Variants in TFEC observed in about 807,000 individuals in gnomAD.
TFEC encodes class E basic helix-loop-helix protein 34.
Under a neutral mutation model 41.6 loss-of-function variants are expected in TFEC, and 31 were observed. The observed-to-expected ratio is 0.74, with a 90% CI of 0.56 to 1.01. TFEC has a LOEUF of 1.01. Among genes scored for constraint, TFEC ranks in the 50% least tolerant of loss-of-function variants. The probability of loss-of-function intolerance (pLI) is 0.00; values close to 1 mark genes in which losing one functional copy is unlikely to be tolerated. For missense variants in TFEC, 402 were observed against 404.1 expected (o/e 0.99, Z 0.04); for synonymous variants, 143 against 140.6 (o/e 1.02, Z -0.12).
At chr7:115,960,571 GT>G (rs1437322012) in intron 3 of TFEC, among the ~76,000 whole-genome samples, 1 of 151,630 alleles carries the variant, frequency 6.6e-6, no homozygotes, top group Non-Finnish European at 1.5e-5. Flanking sequence ...GCACAATTGG[GT>G]TGCTGTCGCA....
At position 115,984,254 on chromosome 7, in the gene TFEC, A is replaced by G; in HGVS notation, c.180+8T>C. The G allele has an allele frequency of 6.2e-7, 1 of 1,610,180 alleles. No individual in the cohort carries two copies. The highest frequency in any genetic ancestry group is 2.2e-5 in the East Asian group (1 of 44,782). On this transcript the variant is annotated splice_region_variant and intron_variant, in intron 2 of 7. Coordinates refer to ENST00000265440, the MANE Select transcript of TFEC (RefSeq NM_012252.4). ...TGATATATTTTTATAACCAGCCATT[A>G]GACATACATGCCATTGTGCATTGTC... is the stretch of plus-strand genomic sequence containing the variant.
chr7:115,977,509 C>G (rs1793437394), intron 2 of TFEC, among the ~76,000 whole-genome samples: 1 of 151,896 alleles, frequency 6.6e-6, no homozygotes, highest in Non-Finnish European at 1.5e-5. Context: ...AACAAAGTAT[C>G]TTTTAAGTAT....
chr7:116,106,304 T>C (rs1044025117), intron 3 of TFEC, among the ~76,000 whole-genome samples: 1 of 152,156 alleles, frequency 6.6e-6, no homozygotes, highest in Non-Finnish European at 1.5e-5. Flanking sequence ...CTCTAAGGCT[T>C]AGAATCTTTC....
At chr7:116,107,537 AT>A (rs1314566166) in intron 3 of TFEC, among the ~76,000 whole-genome samples, 2 of 152,174 alleles carry the variant, frequency 1.3e-5, no homozygotes, top group Non-Finnish European at 2.9e-5. Context: ...AACAAAGACA[AT>A]ATGCAGAGAG....
intron 3 of TFEC, among the ~76,000 whole-genome samples, chr7:116,081,222 G>T (rs966460689): frequency 2.6e-5 from 4 of 151,784 alleles, no homozygotes; most frequent in Non-Finnish European, 5.9e-5. Context: ...CTGGGGAAAA[G>T]GTGGGAGGGG....
At chr7:115,964,894 T>C (rs904581361) in intron 3 of TFEC, among the ~76,000 whole-genome samples, 4 of 151,570 alleles carry the variant, frequency 2.6e-5, no homozygotes, top group African/African-American at 9.7e-5. Context: ...CTTGATATCC[T>C]TTATATATAC....
intron 1 of TFEC, among the ~76,000 whole-genome samples, chr7:116,021,634 G>A (rs148249050): frequency 4.3e-4 from 66 of 152,250 alleles, no homozygotes; most frequent in Middle Eastern, 3.4e-3. Context: ...AGACACCCAC[G>A]TCCTCCAAAG....
At chr7:116,020,915 A>G (rs919484133) in intron 1 of TFEC, among the ~76,000 whole-genome samples, 1 of 152,184 alleles carries the variant, frequency 6.6e-6, no homozygotes, top group Admixed American at 6.5e-5. Flanking sequence ...CAAACTCTCA[A>G]TATGAATACA....
At chr7:116,078,411 GATAA>G (rs1267792351) in intron 3 of TFEC, among the ~76,000 whole-genome samples, 1 of 151,858 alleles carries the variant, frequency 6.6e-6, no homozygotes, top group Non-Finnish European at 1.5e-5. Context: ...TATTTGAAAA[GATAA>G]ATAAAATTGA....
chr7:115,985,180 G>GA (rs1475026495), intron 1 of TFEC, among the ~76,000 whole-genome samples: 1 of 151,944 alleles, frequency 6.6e-6, no homozygotes, highest in East Asian at 1.9e-4. Context: ...GGAGCATTCA[G>GA]AAAAAAATCT....
At chr7:115,941,613 G>A in intron 7 of TFEC, 1 of 379,248 alleles carries the variant, frequency 2.6e-6, no homozygotes, top group Non-Finnish European at 4.7e-6. Context: ...CATTATATAT[G>A]TGTATATATA....
In TFEC at chr7:115,939,315, A is replaced by G. The variant is rs1004501487; in HGVS notation, c.*1236T>C. On this transcript the variant is annotated 3_prime_UTR_variant, in exon 8 of 8. Transcript: ENST00000265440. The stretch of plus-strand genomic sequence containing the variant: ...TCCAGCACAGAGCAACGTGCTTGGT[A>G]ACTTAATTTCCTAACCTAAAACAAG... The G allele has an allele frequency of 1.3e-5, 2 of 151,964 alleles. No homozygotes were observed. The highest frequency in any genetic ancestry group is 1.3e-4 in the Admixed American group (2 of 15,232). 9.4% of individuals were successfully genotyped at this position (151,964 alleles called of 1,614,324 possible). A position where few individuals can be genotyped will look rare whatever the true frequency, so the allele number is the denominator to read the frequency against.
At chr7:115,995,785 G>A (rs1386953642) in intron 1 of TFEC, among the ~76,000 whole-genome samples, 1 of 152,156 alleles carries the variant, frequency 6.6e-6, no homozygotes, top group Admixed American at 6.5e-5. Context: ...GAGAAAGAGT[G>A]CAGCGACTGT....
At chr7:116,123,470 G>A (rs911357702) in intron 1 of TFEC, among the ~76,000 whole-genome samples, 25 of 151,994 alleles carry the variant, frequency 1.6e-4, no homozygotes, top group African/African-American at 5.3e-4. Context: ...GCCCTTCTGA[G>A]TCTTGCCTGA....
At chr7:116,050,049 C>G (rs1449550823) in intron 3 of TFEC, among the ~76,000 whole-genome samples, 3 of 152,050 alleles carry the variant, frequency 2.0e-5, no homozygotes, top group Admixed American at 6.5e-5. Context: ...AATTGACACC[C>G]TAACAACACA....
chr7:116,001,584 T>A (rs930019387), intron 1 of TFEC, among the ~76,000 whole-genome samples: 1 of 150,960 alleles, frequency 6.6e-6, no homozygotes, highest in Admixed American at 6.6e-5. Flanking sequence ...GACATTGGAC[T>A]GGGCAGTTAT....
intron 3 of TFEC, among the ~76,000 whole-genome samples, chr7:116,071,065 C>A (rs528828596): frequency 2.0e-5 from 3 of 151,108 alleles, no homozygotes; most frequent in African/African-American, 7.2e-5. Flanking sequence ...TAAATACATG[C>A]AAAAACATAT....
chr7:116,083,656 T>C (rs1249902471), intron 3 of TFEC, among the ~76,000 whole-genome samples: 1 of 151,982 alleles, frequency 6.6e-6, no homozygotes, highest in East Asian at 1.9e-4. Flanking sequence ...TGGTCTTAAA[T>C]GTCATTCAAA....
chr7:116,007,624 TC>T (rs1794848887), intron 1 of TFEC, among the ~76,000 whole-genome samples: 1 of 152,198 alleles, frequency 6.6e-6, no homozygotes, highest in South Asian at 2.1e-4. Context: ...TTGACTTAGT[TC>T]TTGTATGTGT....
Sources: allele counts gnomAD v4.1 joint callset (sites outside exome capture counted in the v4.1 genomes callset), GRCh38; gene constraint gnomAD v4.1.1; transcripts MANE v1.5; gene names NCBI Gene and HGNC (gene_info 2026-07-23, HGNC 2026-07-21).